FUT8: variants seen among roughly 807,000 people sequenced by gnomAD.
The protein encoded by FUT8 is alpha-(1,6)-fucosyltransferase.
Under a neutral mutation model 71.3 loss-of-function variants are expected in FUT8, and 29 were observed. The observed-to-expected ratio is 0.41, with a 90% CI of 0.30 to 0.55. The LOEUF is 0.55. Among genes scored for constraint, FUT8 ranks in the 20% least tolerant of loss-of-function variants. The probability of loss-of-function intolerance (pLI) is 0.34; values close to 1 mark genes in which losing one functional copy is unlikely to be tolerated. For missense variants in FUT8, 544 were observed against 702.1 expected, an observed-to-expected ratio of 0.77 and a Z score of 2.55; for synonymous variants, 254 against 239.3, an observed-to-expected ratio of 1.06 and a Z score of -0.57.
At chr14:65,584,470 G>A (rs766429901) in intron 3 of FUT8, among the ~76,000 whole-genome samples, 8 of 152,138 alleles carry the variant, frequency 5.3e-5, no homozygotes, top group Admixed American at 3.9e-4. Context: ...ATGAGCCTCC[G>A]CGCCCAGTCT....
chr14:65,642,539 G>T (rs1009524196), intron 6 of FUT8, among the ~76,000 whole-genome samples: 2 of 150,572 alleles, frequency 1.3e-5, no homozygotes, highest in East Asian at 2.0e-4. Flanking sequence ...GGAGGCGGAG[G>T]CTGCAGTGAG....
intron 6 of FUT8, among the ~76,000 whole-genome samples, chr14:65,650,391 A>G (rs1190180753): frequency 6.7e-6 from 1 of 150,164 alleles, no homozygotes; most frequent in African/African-American, 2.4e-5. Flanking sequence ...TAGGCTGTGC[A>G]GGAAGCATAG....
chr14:65,508,531 G>A (rs190872356), intron 2 of FUT8, among the ~76,000 whole-genome samples: 279 of 87,696 alleles, frequency 3.2e-3, no homozygotes, highest in African/African-American at 0.012. Flanking sequence ...ATGGAGTTTC[G>A]CTCTTGTTGC....
At chr14:65,694,018 C>T (rs752640347) in intron 7 of FUT8, among the ~76,000 whole-genome samples, 3 of 143,842 alleles carry the variant, frequency 2.1e-5, no homozygotes, top group African/African-American at 4.9e-5. Context: ...TTAACGTCCA[C>T]GTGATTAGTT....
chr14:65,682,865 G>A (rs190519110), intron 7 of FUT8, among the ~76,000 whole-genome samples: 1 of 152,258 alleles, frequency 6.6e-6, no homozygotes, highest in East Asian at 1.9e-4. Flanking sequence ...ATCTGATAGA[G>A]GGTGCTTCAG....
At chr14:65,665,876 A>G (rs1892187185) in intron 6 of FUT8, among the ~76,000 whole-genome samples, 1 of 152,122 alleles carries the variant, frequency 6.6e-6, no homozygotes, top group African/African-American at 2.4e-5. Flanking sequence ...AGTGGGAGCT[A>G]AATGAAGAGA....
In FUT8 at chr14:65,468,383, G is replaced by T. The variant is rs1173673868; in HGVS notation, c.-228+12665G>T. 14 of 424,786 alleles carry T rather than the reference G, an allele frequency of 3.3e-5. No homozygotes were observed. In the East Asian group the frequency reaches 8.2e-4, roughly 25 times the overall value. The allele number at this position is 424,786 out of a possible 1,614,324, so 26.3% of individuals were successfully genotyped here. On this transcript the variant is annotated intron_variant, in intron 2 of 10. Coordinates refer to ENST00000673929, the MANE Select transcript of FUT8 (RefSeq NM_001371533.1). ...TGGAAGATGGTGGTTCCGGCCGAAA[G>T]GTTGGATTTTTTTTTTTTTTTTTTT...
chr14:65,674,192 AT>A (rs1026517843), intron 7 of FUT8, among the ~76,000 whole-genome samples: 29 of 152,194 alleles, frequency 1.9e-4, no homozygotes, highest in Admixed American at 4.6e-4. Context: ...TGATAATTGT[AT>A]TAATAGAAAC....
chr14:65,673,045 T>C (rs1156278184), intron 7 of FUT8, among the ~76,000 whole-genome samples: 2 of 152,240 alleles, frequency 1.3e-5, no homozygotes, highest in African/African-American at 2.4e-5. Context: ...ATTCTTAATA[T>C]GATAAATGTA....
rs1290206500 is a variant in FUT8, at chr14:65,729,033, TG to T, written c.1260-4197del. Among the ~76,000 whole-genome samples the T allele has an allele frequency of 2.4e-4, 29 of 119,960 alleles. No individual in the cohort carries two copies. In the South Asian group the frequency reaches 6.7e-3, roughly 28 times the overall value. 78.7% of individuals were successfully genotyped at this position (119,960 alleles called of 152,430 possible). On this transcript the variant is annotated intron_variant, in intron 9 of 10. Coordinates refer to ENST00000673929, the MANE Select transcript of FUT8 (RefSeq NM_001371533.1). The stretch of plus-strand genomic sequence containing the variant: ...GTTGCTAAAATAGTCATTGTAAACA[TG>T]TTTTTTTTTTTTTTTTTTTTTTGCT...
intron 2 of FUT8, among the ~76,000 whole-genome samples, chr14:65,552,087 T>C (rs902071290): frequency 7.9e-5 from 12 of 152,168 alleles, no homozygotes; most frequent in Non-Finnish European, 7.4e-5. Context: ...ATTATAGTAT[T>C]ATAACTGTGG....
chr14:65,672,905 C>T lies in FUT8; in HGVS notation c.835+3425C>T, dbSNP rs559796232. On this transcript the variant is annotated intron_variant, in intron 7 of 10. Coordinates refer to ENST00000673929, the MANE Select transcript of FUT8 (RefSeq NM_001371533.1). ...TAGAGAACTCCACTTAAATTCAGTT[C>T]CCCACTTCAATCTTTTTCCTTGTAA... Among the ~76,000 whole-genome samples the T allele has an allele frequency of 6.6e-5, 10 of 152,276 alleles. No homozygotes were observed. The South Asian group carries it at 1.7e-3, about 25-fold the overall frequency.
At chr14:65,676,580 G>A (rs745628205) in intron 7 of FUT8, among the ~76,000 whole-genome samples, 1 of 151,812 alleles carries the variant, frequency 6.6e-6, no homozygotes, top group African/African-American at 2.4e-5. Context: ...GCTAGTAGTC[G>A]GTCCCCTGAG....
intron 3 of FUT8, among the ~76,000 whole-genome samples, chr14:65,612,610 CT>C (rs1889057649): frequency 6.6e-6 from 1 of 152,270 alleles, no homozygotes; most frequent in Admixed American, 6.5e-5. Flanking sequence ...CTGTCTTGGT[CT>C]TTTTAGACTC....
chr14:65,696,378 A>G (rs1450800140), intron 7 of FUT8, among the ~76,000 whole-genome samples: 1 of 152,160 alleles, frequency 6.6e-6, no homozygotes, highest in Non-Finnish European at 1.5e-5. Flanking sequence ...TCTTTATTCT[A>G]TTCCACTCTC....
rs1400446885 is a variant in FUT8, at chr14:65,660,980, C to G, written c.598-8263C>G. Among the ~76,000 whole-genome samples, 1 of 152,130 alleles carries G rather than the reference C, an allele frequency of 6.6e-6. No individual in the cohort carries two copies. The highest frequency in any genetic ancestry group is 1.5e-5 in the Non-Finnish European group (1 of 68,014). On this transcript the variant is annotated intron_variant, in intron 6 of 10. Transcript: ENST00000673929. This position sits in a 1 kb window ranked among gnomAD's most constrained non-coding sequence, Gnocchi z 4.1. ...ATTACCAGCACAAAGCTAGATATTG[C>G]AAATCTTTTTAAACAAATAAAAACT... is the stretch of plus-strand genomic sequence containing the variant.
chr14:65,439,955 T>TATAC (rs2065622333), intron 1 of FUT8, among the ~76,000 whole-genome samples: 1 of 15,104 alleles, frequency 6.6e-5, no homozygotes, highest in Non-Finnish European at 1.4e-4. Flanking sequence ...TGTGTGTGTG[T>TATAC]ATATATATAT....
chr14:65,535,113 T>C (rs1884210930), intron 2 of FUT8, among the ~76,000 whole-genome samples: 1 of 151,704 alleles, frequency 6.6e-6, no homozygotes, highest in African/African-American at 2.4e-5. Context: ...TTTATTTTAT[T>C]TTTTTTGAGA....
Position 65,591,840 on chromosome 14 carries a change from CT to C in FUT8, c.204-24123del, listed in dbSNP as rs372894220. 8.6e-3 allele frequency among the ~76,000 whole-genome samples: 1,033 copies of C among 119,924 alleles called. 4 individuals carry two copies. Among genetic ancestry groups the C allele is most frequent in the African/African-American group, 0.013 (435 of 33,070 alleles). The allele number at this position is 119,924 out of a possible 152,430, so 78.7% of individuals were successfully genotyped here. The stretch of plus-strand genomic sequence containing the variant: ...TGCACTATTGAAGCATTGAAGCAGG[CT>C]TTTTTTTTTTTTTTGGTGTATGTCA... On this transcript the variant is annotated intron_variant, in intron 3 of 10. Transcript: ENST00000673929.
Sources: gnomAD v4.1 joint callset for allele counts (sites outside exome capture counted in the v4.1 genomes callset) on GRCh38, gnomAD v4.1.1 for gene constraint, Gnocchi (gnomAD v3.1) non-coding constraint, MANE v1.5 for transcripts, NCBI Gene and HGNC (gene_info 2026-07-23, HGNC 2026-07-21) for gene names.